The following TMC1 variants were observed in gnomAD, a reference collection of about 807,000 sequenced individuals.
TMC1 encodes transmembrane channel like 1.
A neutral mutation model predicts 105.8 loss-of-function variants in TMC1; 84 were observed. That is an observed-to-expected ratio of 0.79 (90% CI 0.67 to 0.95). The LOEUF is 0.95. Among genes scored for constraint, TMC1 ranks in the 40% least tolerant of loss-of-function variants. The pLI is 0.00. For synonymous variants in TMC1, 315 were observed against 311.5 expected, an observed-to-expected ratio of 1.01 and a Z score of -0.12; for missense variants, 817 against 914.1, an observed-to-expected ratio of 0.89 and a Z score of 1.37.
chr9:72,551,486 C>T (rs910567587), intron 1 of TMC1, among the ~76,000 whole-genome samples: 1 of 152,164 alleles, frequency 6.6e-6, no homozygotes, highest in Non-Finnish European at 1.5e-5. Context: ...TCTCCTTCCC[C>T]CTGTTGAGTT....
intron 2 of TMC1, among the ~76,000 whole-genome samples, chr9:72,608,858 A>T (rs908038841): frequency 6.6e-6 from 1 of 152,106 alleles, no homozygotes; most frequent in Admixed American, 6.6e-5. Context: ...CATCATAGGG[A>T]GACTATAAAG....
intron 12 of TMC1, among the ~76,000 whole-genome samples, chr9:72,763,135 C>T (rs559128922): frequency 8.0e-6 from 1 of 125,570 alleles, no homozygotes; most frequent in Non-Finnish European, 1.6e-5. Flanking sequence ...TAGTTTTCAT[C>T]ACCTCCCTCA....
intron 2 of TMC1, among the ~76,000 whole-genome samples, chr9:72,580,660 A>G (rs536607332): frequency 9.3e-4 from 141 of 152,380 alleles, no homozygotes; most frequent in Middle Eastern, 3.4e-3. Context: ...TAATTGATAT[A>G]TACCACAACT....
At chr9:72,577,329 A>G (rs1824400023) in intron 1 of TMC1, among the ~76,000 whole-genome samples, 1 of 152,338 alleles carries the variant, frequency 6.6e-6, no homozygotes, top group African/African-American at 2.4e-5. Flanking sequence ...CTGATTTGGA[A>G]ACTCCCACTC....
At chr9:72,777,340 T>G (rs1247518640) in intron 13 of TMC1, among the ~76,000 whole-genome samples, 1 of 152,218 alleles carries the variant, frequency 6.6e-6, no homozygotes, top group Non-Finnish European at 1.5e-5. Flanking sequence ...GAATTTCTCC[T>G]TATCTATTTA....
intron 2 of TMC1, among the ~76,000 whole-genome samples, chr9:72,579,486 G>A (rs1202854530): frequency 1.3e-5 from 2 of 152,098 alleles, no homozygotes; most frequent in African/African-American, 2.4e-5. Flanking sequence ...ATGGCTCTCC[G>A]GTTGATTCTG....
chr9:72,525,153 T>C (rs988008316), intron 1 of TMC1, among the ~76,000 whole-genome samples: 3 of 152,230 alleles, frequency 2.0e-5, no homozygotes, highest in African/African-American at 4.8e-5. Context: ...TAATAGCTTA[T>C]CTGTTTTATT....
intron 2 of TMC1, among the ~76,000 whole-genome samples, chr9:72,598,907 T>C (rs2132110819): frequency 6.6e-6 from 1 of 152,336 alleles, no homozygotes; most frequent in South Asian, 2.1e-4. Context: ...CAATCTCTTC[T>C]CTTAAAATTG....
chr9:72,635,744 G>A (rs1454331556), intron 4 of TMC1, among the ~76,000 whole-genome samples: 1 of 152,148 alleles, frequency 6.6e-6, no homozygotes, highest in African/African-American at 2.4e-5. Flanking sequence ...GTTGCAAGGA[G>A]GGATAACAAA....
intron 6 of TMC1, among the ~76,000 whole-genome samples, chr9:72,691,600 G>T (rs1403480143): frequency 6.6e-6 from 1 of 152,090 alleles, no homozygotes; most frequent in East Asian, 1.9e-4. Flanking sequence ...TTCTTTTTAA[G>T]AATTCATAAT....
intron 18 of TMC1, among the ~76,000 whole-genome samples, chr9:72,812,165 G>A (rs139270866): frequency 1.3e-5 from 2 of 152,258 alleles, no homozygotes; most frequent in East Asian, 3.9e-4. Context: ...CTAAACCTAT[G>A]GCTTTTGGAA....
Position 72,526,717 on chromosome 9 carries a change from C to T in TMC1, c.-428+4804C>T, listed in dbSNP as rs536359134. On this transcript the variant is annotated intron_variant, in intron 1 of 23. Transcript: ENST00000297784. Reference sequence around the variant, plus strand: ...TAGGCCAATAGATATCCTTAACATACGTGAGCTGGGAACACAAATGAGCAT... The same window carrying T: ...TAGGCCAATAGATATCCTTAACATATGTGAGCTGGGAACACAAATGAGCAT... 7.9e-5 allele frequency among the ~76,000 whole-genome samples: 12 copies of T among 152,288 alleles called. No homozygotes were observed. In the East Asian group the frequency reaches 2.1e-3, roughly 27 times the overall value.
intron 1 of TMC1, among the ~76,000 whole-genome samples, chr9:72,558,220 A>G (rs904792473): frequency 4.6e-5 from 7 of 151,914 alleles, no homozygotes; most frequent in Admixed American, 3.9e-4. Context: ...GGGAAAATCT[A>G]TTAAAAATTA....
intron 2 of TMC1, among the ~76,000 whole-genome samples, chr9:72,607,108 T>C (rs184277190): frequency 7.4e-4 from 112 of 152,060 alleles, no homozygotes; most frequent in Middle Eastern, 6.8e-3. Context: ...ATCCAGAACA[T>C]GGTGTAATGC....
chr9:72,785,434 C>T (rs1440524662), intron 13 of TMC1, among the ~76,000 whole-genome samples: 6 of 152,090 alleles, frequency 3.9e-5, no homozygotes, highest in Non-Finnish European at 1.5e-5. Context: ...ATCTTAGCAA[C>T]CTCAGTGTAT....
At chr9:72,621,461 G>C (rs907662095) in intron 3 of TMC1, among the ~76,000 whole-genome samples, 1 of 152,148 alleles carries the variant, frequency 6.6e-6, no homozygotes. Context: ...TGTGGACATA[G>C]CTGTTGGTTT....
intron 4 of TMC1, among the ~76,000 whole-genome samples, chr9:72,638,375 TC>T (rs778079375): frequency 6.6e-6 from 1 of 152,154 alleles, no homozygotes. Context: ...CTCTAACTGC[TC>T]TTCCAATTCA....
chr9:72,552,230 G>A (rs944889618), intron 1 of TMC1, among the ~76,000 whole-genome samples: 1 of 152,162 alleles, frequency 6.6e-6, no homozygotes, highest in Admixed American at 6.5e-5. Context: ...TTACTTGGGA[G>A]CTCTTCCACA....
In TMC1 at chr9:72,546,015, G is replaced by A. The variant is rs560008508; in HGVS notation, c.-428+24102G>A. On this transcript the variant is annotated intron_variant, in intron 1 of 23. Coordinates refer to ENST00000297784, the MANE Select transcript of TMC1 (RefSeq NM_138691.3). ...TTGATGGTACAGACTGGGTGCAGTG[G>A]CTCACAACTGTAATCCCACCACTTT... 1.5e-3 allele frequency among the ~76,000 whole-genome samples: 223 copies of A among 151,632 alleles called. 1 individual carries two copies. The highest frequency in any genetic ancestry group is 5.1e-3 in the African/African-American group (212 of 41,360).
Sources: allele counts gnomAD v4.1 joint callset (sites outside exome capture counted in the v4.1 genomes callset), GRCh38; gene constraint gnomAD v4.1.1; transcripts MANE v1.5; gene names NCBI Gene and HGNC (gene_info 2026-07-23, HGNC 2026-07-21).